Variants in LHX1 observed in about 807,000 individuals in gnomAD.
LHX1 encodes the protein LIM/homeobox protein Lhx1.
A neutral mutation model predicts 34.1 loss-of-function variants in LHX1; 9 were observed. The observed-to-expected ratio is 0.26, with a 90% CI of 0.16 to 0.46. LHX1 has a LOEUF of 0.46. Among genes scored for constraint, LHX1 ranks in the 20% least tolerant of loss-of-function variants. LHX1 has a pLI of 1.00. For missense variants in LHX1, 446 were observed against 559.1 expected (o/e 0.80, Z 2.04); for synonymous variants, 254 against 241.5 (o/e 1.05, Z -0.48).
chr17:36,942,737 C>T lies in LHX1; in HGVS notation c.842-15C>T. On this transcript the variant is annotated splice_polypyrimidine_tract_variant and intron_variant, in intron 4 of 4. Transcript: ENST00000614239. ...CCGGGCCCTGACGTCCTGCGCCCTC[C>T]CCGCCGCTCCGCAGATTACCAGAGC... is the stretch of plus-strand genomic sequence containing the variant. 6.7e-7 allele frequency: 1 copy of T among 1,492,680 alleles called. No individual in the cohort carries two copies. The allele number at this position is 1,492,680 out of a possible 1,614,324, so 92.5% of individuals were successfully genotyped here.
chr17:36,939,785 G>A (rs2070752115), intron 1 of LHX1, among the ~76,000 whole-genome samples: 1 of 152,276 alleles, frequency 6.6e-6, no homozygotes, highest in South Asian at 2.1e-4. Context: ...AGCGGGGCTA[G>A]ACATCGCCAA....
chr17:36,940,302 C>A lies in LHX1; in HGVS notation c.183C>A (p.Thr61=). Residue 61 remains threonine, a synonymous_variant, in exon 2 of 5, where the codon ACC becomes ACA. Transcript: ENST00000614239. The part of the protein sequence containing the change: ...CKNDFFRCFG[T]KCAGCAQGIS... ...CACCCCCCCGCAGGTGTTTCGGTACCAAATGCGCAGGCTGCGCTCAGGGCA... is the reference window on the plus strand; with the variant it reads ...CACCCCCCCGCAGGTGTTTCGGTACAAAATGCGCAGGCTGCGCTCAGGGCA... 9.7e-7 allele frequency: 1 copy of A among 1,034,740 alleles called. No individual in the cohort carries two copies. The highest frequency in any genetic ancestry group is 1.3e-5 in the South Asian group (1 of 74,844). The allele number at this position is 1,034,740 out of a possible 1,614,324, so 64.1% of individuals were successfully genotyped here.
At chr17:36,939,081 T>A (rs2070748129) in intron 1 of LHX1, among the ~76,000 whole-genome samples, 1 of 152,172 alleles carries the variant, frequency 6.6e-6, no homozygotes, top group Non-Finnish European at 1.5e-5. Flanking sequence ...GTAGTCCTCC[T>A]AGGAAACTGC....
chr17:36,939,651 G>A (rs2070751222), intron 1 of LHX1, among the ~76,000 whole-genome samples: 1 of 152,200 alleles, frequency 6.6e-6, no homozygotes, highest in Admixed American at 6.5e-5. Flanking sequence ...CCGCGGCAGA[G>A]CGCCCAGAGC....
rs2070756981 is a variant in LHX1 at position 36,940,403 on chromosome 17, A to G, written c.284A>G (p.Asn95Ser). The G allele has an allele frequency of 1.5e-5, 25 of 1,613,964 alleles. No homozygotes were observed. Among genetic ancestry groups the G allele is most frequent in the Non-Finnish European group, 2.0e-5 (24 of 1,180,010 alleles). The change falls in exon 2 of 5, where the codon AAC becomes AGC. Residue 95 changes from asparagine (N) to serine (S), a missense_variant. Asn to Ser is a conservative substitution (Grantham distance 46). Coordinates refer to ENST00000614239, the MANE Select transcript of LHX1 (RefSeq NM_005568.5). ...HLNCFTCMMC[N>S]KQLSTGEELY... ...AACTGCTTCACCTGCATGATGTGTA[A>G]CAAGCAGCTCTCCACTGGCGAGGAA... is the stretch of plus-strand genomic sequence containing the variant.
chr17:36,942,472 G>A (rs532833521), intron 4 of LHX1, 107 bp downstream of exon 4: 2 of 1,215,368 alleles, frequency 1.6e-6, no homozygotes, highest in Non-Finnish European at 2.3e-6. Flanking sequence ...CCACTGGAGA[G>A]TTGGGGCGAG....
Position 36,940,312 on chromosome 17 carries a change from G to T in LHX1, c.193G>T (p.Gly65Cys). The T allele has an allele frequency of 6.5e-7, 1 of 1,537,184 alleles. No homozygotes were observed. The highest frequency in any genetic ancestry group is 1.2e-5 in the South Asian group (1 of 85,510). ...CAGGTGTTTCGGTACCAAATGCGCA[G>T]GCTGCGCTCAGGGCATCTCCCCTAG... is the stretch of plus-strand genomic sequence containing the variant. The part of the protein sequence containing the change: ...FFRCFGTKCA[G>C]CAQGISPSDL... Residue 65 changes from glycine to cysteine, a missense_variant, in exon 2 of 5, where the codon GGC becomes TGC. By Grantham distance (159) the Gly-to-Cys change is radical. Transcript: ENST00000614239.
chr17:36,942,771 C>T lies in LHX1; in HGVS notation c.861C>T (p.Tyr287=). 1 of 1,535,804 alleles carries T rather than the reference C, an allele frequency of 6.5e-7. No homozygotes were observed. The highest frequency in any genetic ancestry group is 8.8e-7 in the Non-Finnish European group (1 of 1,138,508). The change falls in exon 5 of 5, where the codon TAC becomes TAT. Residue 287 remains tyrosine, a synonymous_variant. Transcript: ENST00000614239. Reference sequence around the variant, plus strand: ...CCGCAGATTACCAGAGCGAGTACTACGGGCCCGGGGGCAACTACGACTTCT... The same window carrying T: ...CCGCAGATTACCAGAGCGAGTACTATGGGCCCGGGGGCAACTACGACTTCT... ...SFYGDYQSEY[Y]GPGGNYDFFP...
chr17:36,939,172 AC>A (rs767110749), intron 1 of LHX1, among the ~76,000 whole-genome samples: 2 of 151,864 alleles, frequency 1.3e-5, no homozygotes, highest in African/African-American at 4.8e-5. Context: ...ACTTCTCCCT[AC>A]CCCCCTTATT....
In LHX1 at chr17:36,942,185, C is replaced by G; in HGVS notation, c.676-15C>G. 1 of 1,573,048 alleles carries G rather than the reference C, an allele frequency of 6.4e-7. No individual in the cohort carries two copies. Among genetic ancestry groups the G allele is most frequent in the East Asian group, 2.3e-5 (1 of 43,736 alleles). ...TGGAGTCTCGGTGGCCTCACCCCGC[C>G]GCCATGTGCTGCAGGTCTGGTTCCA... On this transcript the variant is annotated splice_polypyrimidine_tract_variant and intron_variant, in intron 3 of 4. Transcript: ENST00000614239.
Position 36,944,205 on chromosome 17 carries a change from A to G in LHX1, c.*1074A>G, listed in dbSNP as rs926271904. The G allele has an allele frequency of 1.3e-5, 2 of 152,016 alleles. No individual in the cohort carries two copies. Among genetic ancestry groups the G allele is most frequent in the African/African-American group, 4.8e-5 (2 of 41,390 alleles). 9.4% of individuals were successfully genotyped at this position (152,016 alleles called of 1,614,324 possible). A position where few individuals can be genotyped will look rare whatever the true frequency, so the allele number is the denominator to read the frequency against. On this transcript the variant is annotated 3_prime_UTR_variant, in exon 5 of 5. Coordinates refer to ENST00000614239, the MANE Select transcript of LHX1 (RefSeq NM_005568.5). ...CATGCTATTCAGACAGTTGCCAAAT[A>G]GAATAATTATAGCACAAATACTGTA...
At chr17:36,938,541 ACG>A in intron 1 of LHX1, 174 bp downstream of exon 1, 1 of 707,078 alleles carries the variant, frequency 1.4e-6, no homozygotes, top group Non-Finnish European at 2.5e-6. Context: ...GGAGCCCGGG[ACG>A]CGGCCCTGCT....
At chr17:36,941,820 A>G (rs929502395) in intron 3 of LHX1, among the ~76,000 whole-genome samples, 2 of 152,192 alleles carry the variant, frequency 1.3e-5, no homozygotes, top group Non-Finnish European at 2.9e-5. Flanking sequence ...GGTTGCTGCA[A>G]GAGACCGTGA....
chr17:36,939,275 A>G (rs1403325174), intron 1 of LHX1, among the ~76,000 whole-genome samples: 1 of 152,242 alleles, frequency 6.6e-6, no homozygotes, highest in Non-Finnish European at 1.5e-5. Context: ...ACGGGCACAA[A>G]TGCGAATTGT....
chr17:36,937,048 A>C (rs1376406711), upstream of LHX1: 189 of 288,990 alleles, frequency 6.5e-4, 5 homozygotes, highest in Non-Finnish European at 4.8e-5. Context: ...AAAACAAAAA[A>C]AAAAAAAGGA....
chr17:36,936,886 G>A (rs1477804039), upstream of LHX1: 3 of 194,958 alleles, frequency 1.5e-5, no homozygotes, highest in Admixed American at 1.7e-4. Flanking sequence ...CCCGGGGAGG[G>A]CCAGCAACGA....
At chr17:36,941,030 G>T (rs1438841959) in intron 3 of LHX1, 143 bp downstream of exon 3, 1 of 1,279,812 alleles carries the variant, frequency 7.8e-7, no homozygotes, top group East Asian at 2.5e-5. Context: ...TCCCGAGCCT[G>T]CGGGACCTAT....
intron 1 of LHX1, 94 bp downstream of exon 1, chr17:36,938,461 G>T: frequency 7.7e-7 from 1 of 1,300,702 alleles, no homozygotes; most frequent in African/African-American, 1.5e-5. Context: ...TCGCTGCCCA[G>T]TTAGGAACTG....
In LHX1 at chr17:36,942,848, T is replaced by G; in HGVS notation, c.938T>G (p.Phe313Cys). The change falls in exon 5 of 5, where the codon TTC becomes TGC. Residue 313 changes from phenylalanine to cysteine, a missense_variant. Around this residue, in one of 3 missense-constraint regions of LHX1, gnomAD observed 235 missense variants for 224.4 expected, o/e 1.05. Transcript: ENST00000614239. ...SQAQTPVDLP[F>C]VPSSGPSGTP... Reference sequence around the variant, plus strand: ...GCCCAGACACCAGTGGACCTACCCTTCGTGCCGTCATCTGGGCCGTCCGGG... The same window carrying G: ...GCCCAGACACCAGTGGACCTACCCTGCGTGCCGTCATCTGGGCCGTCCGGG... 6.3e-7 allele frequency: 1 copy of G among 1,590,436 alleles called. No homozygotes were observed. Among genetic ancestry groups the G allele is most frequent in the Non-Finnish European group, 8.6e-7 (1 of 1,166,096 alleles).
Sources: gnomAD v4.1 joint callset for allele counts (sites outside exome capture counted in the v4.1 genomes callset) on GRCh38, gnomAD v4.1.1 for gene constraint, gnomAD v4.1.1 regional missense constraint, MANE v1.5 for transcripts, NCBI Gene and HGNC (gene_info 2026-07-23, HGNC 2026-07-21) for gene names.